Variants in ABRAXAS1 observed in about 807,000 individuals in gnomAD.
ABRAXAS1 encodes the protein abraxas 1, BRCA1 A complex subunit, also known as BRCA1-A complex subunit Abraxas 1.
A neutral mutation model predicts 38.4 loss-of-function variants in ABRAXAS1; 26 were observed. The ratio of observed to expected loss-of-function variants is 0.68; its 90% CI spans 0.50 to 0.94. The LOEUF is 0.94. Among genes scored for constraint, ABRAXAS1 ranks in the 40% least tolerant of loss-of-function variants. ABRAXAS1 has a pLI of 0.00. For missense variants in ABRAXAS1, 438 were observed against 481.9 expected (o/e 0.91, Z 0.85); for synonymous variants, 144 against 165.5 (o/e 0.87, Z 1.00).
In ABRAXAS1 at chr4:83,485,037, G is replaced by C. The variant is rs568696811; in HGVS notation, c.36C>G (p.Gly12=). The C allele has an allele frequency of 2.5e-6, 4 of 1,596,248 alleles. No homozygotes were observed. Among genetic ancestry groups the C allele is most frequent in the South Asian group, 1.1e-5 (1 of 89,190 alleles). ...GGAAAGCGAGTGCGCCGAGCACAAA[G>C]CCCGAGAGCACCGCCGACGTACTCT... is the stretch of plus-strand genomic sequence containing the variant. ...EGESTSAVLS[G]FVLGALAFQH... The change falls in exon 1 of 9, where the codon GGC becomes GGG. Residue 12 remains glycine, a synonymous_variant. Coordinates refer to ENST00000321945, the MANE Select transcript of ABRAXAS1 (RefSeq NM_139076.3).
intron 1 of ABRAXAS1, chr4:83,484,258 G>A (rs2110051065): frequency 1.0e-6 from 1 of 954,860 alleles, no homozygotes; most frequent in Non-Finnish European, 1.2e-6. Flanking sequence ...GGTATTCTCC[G>A]AACTGTACCA....
In ABRAXAS1 at chr4:83,462,781, A is replaced by G. The variant is rs766011574; in HGVS notation, c.918T>C (p.Val306=). The G allele has an allele frequency of 1.9e-6, 3 of 1,613,958 alleles. No homozygotes were observed. The African/African-American group carries it at 4.0e-5, about 22-fold the overall frequency. Residue 306 remains valine, a synonymous_variant, in exon 9 of 9, where the codon GTT becomes GTC. Transcript: ENST00000321945. ...GGTTGTAGTTACAGCTACTTTTAGA[A>G]ACATGTCTATTTTTTAAAGACATAA... ...SCVMSLKNRH[V]SKSSCNYNHH...
intron 3 of ABRAXAS1, among the ~76,000 whole-genome samples, chr4:83,474,180 T>TAAATAAATAAAA (rs1457672501): frequency 8.5e-4 from 126 of 148,878 alleles, no homozygotes; most frequent in African/African-American, 3.0e-3. Context: ...AATAAATAAA[T>TAAATAAATAAAA]AAAATCTCTA....
Position 83,461,584 on chromosome 4 carries a change from G to T in ABRAXAS1, c.*885C>A. The T allele has an allele frequency of 3.5e-6, 1 of 289,056 alleles. No homozygotes were observed. Among genetic ancestry groups the T allele is most frequent in the East Asian group, 5.0e-5 (1 of 19,960 alleles). 17.9% of individuals were successfully genotyped at this position (289,056 alleles called of 1,614,324 possible). A position where few individuals can be genotyped will look rare whatever the true frequency, so the allele number is the denominator to read the frequency against. On this transcript the variant is annotated 3_prime_UTR_variant, in exon 9 of 9. Coordinates refer to ENST00000321945, the MANE Select transcript of ABRAXAS1 (RefSeq NM_139076.3). ...GATGGATAGTGGTGCTGTCACAGAA[G>T]GACAAAATATTCCTAGACGAGTCTA...
Position 83,459,904 on chromosome 4 carries a change from C to A in ABRAXAS1, c.*2565G>T. On this transcript the variant is annotated 3_prime_UTR_variant, in exon 9 of 9. Transcript: ENST00000321945. Reference sequence around the variant, plus strand: ...TTTCAAATTGTGCTATAAATTACTACTAGATCAGATACTACAGGGACTAGA... The same window carrying A: ...TTTCAAATTGTGCTATAAATTACTAATAGATCAGATACTACAGGGACTAGA... 1 of 916,576 alleles carries A rather than the reference C, an allele frequency of 1.1e-6. No individual in the cohort carries two copies. The highest frequency in any genetic ancestry group is 1.7e-6 in the Non-Finnish European group (1 of 597,138). 56.8% of individuals were successfully genotyped at this position (916,576 alleles called of 1,614,324 possible).
At chr4:83,482,914 T>C (rs1302957766) in intron 1 of ABRAXAS1, among the ~76,000 whole-genome samples, 2 of 152,074 alleles carry the variant, frequency 1.3e-5, no homozygotes, top group Non-Finnish European at 2.9e-5. Flanking sequence ...GAGCACACAC[T>C]GAAGAATGAG....
At chr4:83,468,169 G>A (rs941102538) in intron 6 of ABRAXAS1, among the ~76,000 whole-genome samples, 1 of 152,128 alleles carries the variant, frequency 6.6e-6, no homozygotes, top group Non-Finnish European at 1.5e-5. Flanking sequence ...GCCGGGCATG[G>A]TGGTGCATGC....
chr4:83,478,684 T>C (rs1722873887), intron 2 of ABRAXAS1: 1 of 180,876 alleles, frequency 5.5e-6, no homozygotes, highest in Non-Finnish European at 1.2e-5. Context: ...TGGATACTAA[T>C]GGATGACACT....
chr4:83,463,480 T>C lies in ABRAXAS1; in HGVS notation c.796+14A>G. The C allele has an allele frequency of 6.6e-7, 1 of 1,516,332 alleles. No individual in the cohort carries two copies. The highest frequency in any genetic ancestry group is 9.0e-7 in the Non-Finnish European group (1 of 1,106,034). 93.9% of individuals were successfully genotyped at this position (1,516,332 alleles called of 1,614,324 possible). ...ATTTTTAGCACAGAAAGTAGAGATG[T>C]GTTGTTTACTTACTTGCTGCCTGAA... On this transcript the variant is annotated intron_variant, in intron 8 of 8. Transcript: ENST00000321945.
chr4:83,459,634 A>C lies in ABRAXAS1; in HGVS notation c.*2835T>G. Reference sequence around the variant, plus strand: ...TTATATTTTATGAAATGTGTCTGAAATTTAGTAAAGCTTTATATAACCTGA... The same window carrying C: ...TTATATTTTATGAAATGTGTCTGAACTTTAGTAAAGCTTTATATAACCTGA... On this transcript the variant is annotated 3_prime_UTR_variant, in exon 9 of 9. Transcript: ENST00000321945. 1.0e-6 allele frequency: 1 copy of C among 956,152 alleles called. No homozygotes were observed. Among genetic ancestry groups the C allele is most frequent in the Non-Finnish European group, 1.6e-6 (1 of 626,006 alleles). The allele number at this position is 956,152 out of a possible 1,614,324, so 59.2% of individuals were successfully genotyped here.
chr4:83,482,784 G>T (rs1335888404), intron 1 of ABRAXAS1, among the ~76,000 whole-genome samples: 1 of 152,090 alleles, frequency 6.6e-6, no homozygotes, highest in African/African-American at 2.4e-5. Flanking sequence ...GGAGGCTACA[G>T]ATTAGCCCTG....
chr4:83,463,201 G>A (rs1026995604), intron 8 of ABRAXAS1, among the ~76,000 whole-genome samples: 1 of 151,998 alleles, frequency 6.6e-6, no homozygotes, highest in Non-Finnish European at 1.5e-5. Flanking sequence ...AGGCTGAGGC[G>A]GGTGGATCAC....
intron 2 of ABRAXAS1, chr4:83,477,985 C>A: frequency 1.0e-6 from 1 of 957,002 alleles, no homozygotes; most frequent in Non-Finnish European, 1.7e-6. Flanking sequence ...TCCAAGGGAG[C>A]ATGATTGGCA....
At chr4:83,474,438 C>T (rs1400093757) in intron 3 of ABRAXAS1, among the ~76,000 whole-genome samples, 2 of 152,000 alleles carry the variant, frequency 1.3e-5, no homozygotes, top group South Asian at 2.1e-4. Flanking sequence ...CAAGGCCAGG[C>T]GTGGGTGTCT....
At chr4:83,476,506 T>TA (rs1214748094) in intron 3 of ABRAXAS1, 137 bp downstream of exon 3, 63 of 511,378 alleles carry the variant, frequency 1.2e-4, no homozygotes, top group South Asian at 2.1e-4. Context: ...TTCAGCTATT[T>TA]AAAAAAAACT....
chr4:83,478,361 G>T, intron 2 of ABRAXAS1: 1 of 590,856 alleles, frequency 1.7e-6, no homozygotes, highest in Non-Finnish European at 3.4e-6. Context: ...ACTGGCTTTG[G>T]CGTGGACCCT....
In ABRAXAS1 at chr4:83,473,980, C is replaced by G. The variant is rs1263555099; in HGVS notation, c.216-1692G>C. 2.7e-5 allele frequency among the ~76,000 whole-genome samples: 4 copies of G among 150,086 alleles called. No homozygotes were observed. In the East Asian group the frequency reaches 7.9e-4, roughly 30 times the overall value. On this transcript the variant is annotated intron_variant, in intron 3 of 8. Transcript: ENST00000321945. ...AACCCCATCTCTACTAAAAATACAC[C>G]AACAAAAAAAAATTAGCCAGGCGTG...
At chr4:83,477,738 C>T (rs1048352817) in intron 2 of ABRAXAS1, 18 of 650,944 alleles carry the variant, frequency 2.8e-5, no homozygotes, top group East Asian at 1.8e-4. Flanking sequence ...ATCTATAAAG[C>T]GGAAGGTGTA....
chr4:83,484,773 G>C, intron 1 of ABRAXAS1: 1 of 436,344 alleles, frequency 2.3e-6, no homozygotes, highest in South Asian at 3.8e-5. Flanking sequence ...AATAACGGAG[G>C]ATAGCAGAGG....
Sources: gnomAD v4.1 joint callset for allele counts (sites outside exome capture counted in the v4.1 genomes callset) on GRCh38, gnomAD v4.1.1 for gene constraint, MANE v1.5 for transcripts, NCBI Gene and HGNC (gene_info 2026-07-23, HGNC 2026-07-21) for gene names.